Variants in ARID1B observed in about 807,000 individuals in gnomAD.
The protein encoded by ARID1B is AT-rich interactive domain-containing protein 1B.
In ARID1B, 30 loss-of-function variants were observed where a neutral mutation model predicts 212.3. That is an observed-to-expected ratio of 0.14 (90% CI 0.11 to 0.19). The LOEUF (loss-of-function observed/expected upper bound fraction) is 0.19. ARID1B is among the 10% of genes least tolerant of loss of function. The probability of loss-of-function intolerance (pLI) is 1.00; values close to 1 mark genes in which losing one functional copy is unlikely to be tolerated. For missense variants in ARID1B, 2,891 were observed against 3,204.0 expected, an observed-to-expected ratio of 0.90 and a Z score of 2.36; for synonymous variants, 1,402 against 1,301.7, an observed-to-expected ratio of 1.08 and a Z score of -1.66.
At chr6:157,172,515 A>G (rs1002350208) in intron 9 of ARID1B, among the ~76,000 whole-genome samples, 7 of 152,224 alleles carry the variant, frequency 4.6e-5, no homozygotes, top group East Asian at 1.9e-4. Context: ...AAACAAGCCA[A>G]TGCGCCCGTG....
At chr6:156,981,291 G>T (rs889967910) in intron 4 of ARID1B, among the ~76,000 whole-genome samples, 1 of 152,172 alleles carries the variant, frequency 6.6e-6, no homozygotes, top group African/African-American at 2.4e-5. Flanking sequence ...TAGGTAGCTG[G>T]ATCAGGCAAT....
In ARID1B at chr6:156,820,962, G is replaced by A. The variant is rs139260086; in HGVS notation, c.1792-8265G>A. Among the ~76,000 whole-genome samples, 124 of 152,290 alleles carry A rather than the reference G, an allele frequency of 8.1e-4. 2 individuals are homozygous for A. The East Asian group carries it at 0.02, about 24-fold the overall frequency. On this transcript the variant is annotated intron_variant, in intron 1 of 19. Transcript: ENST00000636930. Reference sequence around the variant, plus strand: ...AATACCAGTCTTTATGAATAGATTTGGTAGTGAGTCCAAGGCTCTGTCTCC... The same window carrying A: ...AATACCAGTCTTTATGAATAGATTTAGTAGTGAGTCCAAGGCTCTGTCTCC...
chr6:156,873,093 G>T lies in ARID1B; in HGVS notation c.1987-28283G>T, dbSNP rs147492549. Among the ~76,000 whole-genome samples, 377 of 152,266 alleles carry T rather than the reference G, an allele frequency of 2.5e-3. 2 individuals are homozygous for T. The highest frequency in any genetic ancestry group is 8.5e-3 in the African/African-American group (355 of 41,528). On this transcript the variant is annotated intron_variant, in intron 2 of 19. Transcript: ENST00000636930. ...TCTTTCTTTCCCTTCCAGCCTACAA[G>T]CACGCCAGCAGCCCCGTGCATGGCT...
intron 1 of ARID1B, among the ~76,000 whole-genome samples, chr6:156,813,380 TAGGATTAC>T (rs1311008060): frequency 6.6e-6 from 1 of 151,966 alleles, no homozygotes; most frequent in Non-Finnish European, 1.5e-5. Context: ...CCCAAAGTGC[TAGGATTAC>T]AGGCGCGAGC....
chr6:156,947,582 A>C (rs549418853), intron 4 of ARID1B, among the ~76,000 whole-genome samples: 4 of 151,592 alleles, frequency 2.6e-5, no homozygotes, highest in Non-Finnish European at 5.9e-5. Context: ...TTTGGATCCT[A>C]GCAGAGGAAA....
intron 1 of ARID1B, among the ~76,000 whole-genome samples, chr6:156,786,794 C>T (rs1216542291): frequency 6.6e-6 from 1 of 152,186 alleles, no homozygotes; most frequent in Non-Finnish European, 1.5e-5. Flanking sequence ...CTGGGGATTG[C>T]TGCTGTTGGT....
chr6:157,069,762 G>C (rs1411818237), intron 4 of ARID1B, among the ~76,000 whole-genome samples: 1 of 152,196 alleles, frequency 6.6e-6, no homozygotes, highest in Admixed American at 6.5e-5. Flanking sequence ...ATGAGTGGTA[G>C]GTAATGAGAG....
chr6:156,836,065 T>A (rs189800426), intron 2 of ARID1B, among the ~76,000 whole-genome samples: 1 of 152,192 alleles, frequency 6.6e-6, no homozygotes, highest in South Asian at 2.1e-4. Context: ...TGTTAAAACG[T>A]TAATAATTCA....
At chr6:157,039,746 T>TCCC (rs1781689093) in intron 4 of ARID1B, among the ~76,000 whole-genome samples, 13 of 106,444 alleles carry the variant, frequency 1.2e-4, no homozygotes, top group Admixed American at 1.8e-4. Context: ...CCTCCCTCCC[T>TCCC]TCCTTCCTTC....
chr6:157,166,687 T>C (rs1055367998), intron 8 of ARID1B: 2 of 171,752 alleles, frequency 1.2e-5, no homozygotes, highest in Admixed American at 6.3e-5. Flanking sequence ...CTAAGTAGTG[T>C]TAATAGTCAG....
rs556253014 is a variant in ARID1B, at chr6:157,075,693, G to A, written c.2248-8969G>A. Among the ~76,000 whole-genome samples, 17 of 152,372 alleles carry A rather than the reference G, an allele frequency of 1.1e-4. No individual in the cohort carries two copies. The East Asian group carries it at 3.3e-3, about 29-fold the overall frequency. On this transcript the variant is annotated intron_variant, in intron 4 of 19. Transcript: ENST00000636930. Reference sequence around the variant, plus strand: ...TGGTGAGTCATGTTGACATCGTCATGTTGACCTCGTCCTCCCCGCTATGGT... The same window carrying A: ...TGGTGAGTCATGTTGACATCGTCATATTGACCTCGTCCTCCCCGCTATGGT...
chr6:157,036,579 C>A, intron 4 of ARID1B: 1 of 300,404 alleles, frequency 3.3e-6, no homozygotes, highest in Non-Finnish European at 6.6e-6. Context: ...TCAACCACTA[C>A]GTCCACATGA....
At chr6:157,146,727 T>C (rs1198681218) in intron 7 of ARID1B, among the ~76,000 whole-genome samples, 1 of 152,260 alleles carries the variant, frequency 6.6e-6, no homozygotes, top group Admixed American at 6.5e-5. Context: ...TTACGTCACC[T>C]GTGCCTAGAA....
At chr6:156,794,396 C>T (rs951388571) in intron 1 of ARID1B, among the ~76,000 whole-genome samples, 2 of 151,780 alleles carry the variant, frequency 1.3e-5, no homozygotes, top group Non-Finnish European at 2.9e-5. Context: ...ACCACAGGCG[C>T]ATGCTACAAT....
intron 5 of ARID1B, among the ~76,000 whole-genome samples, chr6:157,086,172 G>A (rs1346212058): frequency 6.6e-6 from 1 of 152,186 alleles, no homozygotes; most frequent in African/African-American, 2.4e-5. Context: ...AGATAATATG[G>A]TCAACCCACT....
At chr6:156,784,899 A>G (rs1779529956) in intron 1 of ARID1B, among the ~76,000 whole-genome samples, 1 of 152,146 alleles carries the variant, frequency 6.6e-6, no homozygotes, top group Non-Finnish European at 1.5e-5. Flanking sequence ...AGCTGGGACT[A>G]CAGGTGCACG....
At chr6:156,875,632 C>A (rs1293082426) in intron 2 of ARID1B, among the ~76,000 whole-genome samples, 1 of 152,228 alleles carries the variant, frequency 6.6e-6, no homozygotes, top group Non-Finnish European at 1.5e-5. Flanking sequence ...ATGCGAGTCT[C>A]TGTTCAGATT....
At chr6:156,849,531 A>T (rs1401341284) in intron 2 of ARID1B, among the ~76,000 whole-genome samples, 4 of 152,242 alleles carry the variant, frequency 2.6e-5, no homozygotes, top group Admixed American at 2.6e-4. Context: ...AGAGAGAAGC[A>T]TCTGCATTTA....
intron 4 of ARID1B, among the ~76,000 whole-genome samples, chr6:156,968,969 G>T (rs1424576667): frequency 6.6e-6 from 1 of 152,212 alleles, no homozygotes; most frequent in Non-Finnish European, 1.5e-5. Flanking sequence ...CAGGTGGAGA[G>T]GTGGCCCCAG....
Sources: allele counts gnomAD v4.1 joint callset (sites outside exome capture counted in the v4.1 genomes callset), GRCh38; gene constraint gnomAD v4.1.1; transcripts MANE v1.5; gene names NCBI Gene and HGNC (gene_info 2026-07-23, HGNC 2026-07-21).